GRIK4: variants seen among roughly 807,000 people sequenced by gnomAD.
The protein encoded by GRIK4 is glutamate receptor ionotropic, kainate 4.
GRIK4 carries 40 observed loss-of-function variants against 104.9 expected under a neutral mutation model. The observed-to-expected ratio is 0.38, with a 90% confidence interval of 0.30 to 0.50. The LOEUF (loss-of-function observed/expected upper bound fraction) is 0.50, where lower values mean the gene tolerates loss of function less well. GRIK4 is among the 20% of genes least tolerant of loss of function. The pLI is 0.93. For missense variants in GRIK4, 1,047 were observed against 1,308.1 expected, an observed-to-expected ratio of 0.80 and a Z score of 3.08; for synonymous variants, 485 against 524.9, an observed-to-expected ratio of 0.92 and a Z score of 1.04.
At chr11:120,585,451 C>T (rs1172973109) in intron 1 of GRIK4, among the ~76,000 whole-genome samples, 3 of 151,794 alleles carry the variant, frequency 2.0e-5, no homozygotes, top group Non-Finnish European at 4.4e-5. Flanking sequence ...CTGGTTCAAG[C>T]GATTCTGGTG....
intron 2 of GRIK4, among the ~76,000 whole-genome samples, chr11:120,654,165 G>C (rs1241833361): frequency 6.6e-6 from 1 of 152,148 alleles, no homozygotes; most frequent in Non-Finnish European, 1.5e-5. Flanking sequence ...TGTAGTCAAA[G>C]CAGGGGCCTG....
At chr11:120,871,897 T>C (rs1440920510) in intron 9 of GRIK4, 1 of 456,106 alleles carries the variant, frequency 2.2e-6, no homozygotes, top group Non-Finnish European at 4.4e-6. Context: ...TTGTTGACTG[T>C]TTTGCTCTGT....
At chr11:120,570,522 C>T (rs567732617) in intron 1 of GRIK4, among the ~76,000 whole-genome samples, 12 of 152,244 alleles carry the variant, frequency 7.9e-5, no homozygotes, top group Admixed American at 2.6e-4. Context: ...GGCATCATCG[C>T]GGTTCACTGT....
At chr11:120,534,507 G>T (rs148302388) in intron 1 of GRIK4, among the ~76,000 whole-genome samples, 1 of 152,226 alleles carries the variant, frequency 6.6e-6, no homozygotes, top group Admixed American at 6.5e-5. Flanking sequence ...GCTGAGAACC[G>T]TGCACGCTGG....
chr11:120,832,155 C>T (rs1953447828), intron 7 of GRIK4, 125 bp downstream of exon 7: 2 of 584,284 alleles, frequency 3.4e-6, no homozygotes, highest in Non-Finnish European at 5.9e-6. Flanking sequence ...ACAAACCTCT[C>T]TCTGTGCTTC....
chr11:120,558,163 T>C (rs1444972469), intron 1 of GRIK4, among the ~76,000 whole-genome samples: 8 of 152,238 alleles, frequency 5.3e-5, no homozygotes, highest in Admixed American at 5.2e-4. Context: ...GCCTCAGTTT[T>C]CTTATGTGTA....
chr11:120,625,928 T>C (rs1396151252), intron 1 of GRIK4, among the ~76,000 whole-genome samples: 2 of 152,102 alleles, frequency 1.3e-5, no homozygotes, highest in East Asian at 3.9e-4. Flanking sequence ...CTATTCAGAA[T>C]CTACTTCTGA....
At chr11:120,949,580 T>C (rs1239004609) in intron 14 of GRIK4, among the ~76,000 whole-genome samples, 1 of 152,134 alleles carries the variant, frequency 6.6e-6, no homozygotes, top group Admixed American at 6.5e-5. Flanking sequence ...TGGTGATGGG[T>C]ATAAATAAAT....
chr11:120,723,218 C>A (rs1454606729), intron 3 of GRIK4, among the ~76,000 whole-genome samples: 1 of 152,152 alleles, frequency 6.6e-6, no homozygotes, highest in Non-Finnish European at 1.5e-5. Context: ...CTCTTGGGAA[C>A]AATATTCTCT....
In GRIK4 at chr11:120,953,020, G is replaced by A; in HGVS notation, c.1700+56G>A. On this transcript the variant is annotated intron_variant, in intron 15 of 20. Coordinates refer to ENST00000527524, the MANE Select transcript of GRIK4 (RefSeq NM_014619.5). The surrounding 1 kb of genome is among the most constrained non-coding windows in gnomAD (Gnocchi z 4.9). ...ACCGCCACCTCGTGTCCACCTCTGG[G>A]AACTGCATGGGGAGGGGGTGGGGAG... 1.0e-6 allele frequency: 1 copy of A among 978,266 alleles called. No individual in the cohort carries two copies. The highest frequency in any genetic ancestry group is 1.8e-5 in the Admixed American group (1 of 56,906). 60.6% of individuals were successfully genotyped at this position (978,266 alleles called of 1,614,324 possible).
chr11:120,981,967 G>T, intron 19 of GRIK4, 139 bp from the exon 20 acceptor site: 1 of 680,428 alleles, frequency 1.5e-6, no homozygotes. Context: ...GTGTCTACAT[G>T]TCAAGTAGAT....
intron 3 of GRIK4, among the ~76,000 whole-genome samples, chr11:120,675,668 T>A (rs1950088853): frequency 6.6e-6 from 1 of 152,154 alleles, no homozygotes; most frequent in African/African-American, 2.4e-5. Flanking sequence ...AACCTGCAAT[T>A]GAATTGCAAT....
At chr11:120,932,840 C>T (rs550336183) in intron 13 of GRIK4, among the ~76,000 whole-genome samples, 1 of 152,312 alleles carries the variant, frequency 6.6e-6, no homozygotes, top group South Asian at 2.1e-4. Flanking sequence ...GGGGCAGGGG[C>T]AGCTGGCCTC....
At chr11:120,912,045 G>A (rs1943010931) in intron 13 of GRIK4, among the ~76,000 whole-genome samples, 1 of 152,044 alleles carries the variant, frequency 6.6e-6, no homozygotes, top group Non-Finnish European at 1.5e-5. Flanking sequence ...GTAAAAATGG[G>A]ATTATACTAT....
chr11:120,873,903 C>G, intron 9 of GRIK4, 163 bp from the exon 10 acceptor site: 1 of 611,486 alleles, frequency 1.6e-6, no homozygotes, highest in Non-Finnish European at 2.9e-6. Flanking sequence ...GTAGAGCTGG[C>G]CCAGAGACAG....
chr11:120,935,348 C>A (rs769749119), intron 13 of GRIK4, among the ~76,000 whole-genome samples: 1 of 151,738 alleles, frequency 6.6e-6, no homozygotes, highest in African/African-American at 2.4e-5. Flanking sequence ...GTCAGGAGTT[C>A]GAGACCAGCC....
At chr11:120,837,748 G>A (rs550469999) in intron 8 of GRIK4, among the ~76,000 whole-genome samples, 1 of 152,042 alleles carries the variant, frequency 6.6e-6, no homozygotes, top group African/African-American at 2.4e-5. Flanking sequence ...AGGGAGAAAA[G>A]GATTAGACTA....
chr11:120,924,298 G>C (rs556288641), intron 13 of GRIK4, among the ~76,000 whole-genome samples: 1 of 152,256 alleles, frequency 6.6e-6, no homozygotes, highest in Non-Finnish European at 1.5e-5. Context: ...GGTCACCGCT[G>C]TAGCAGTCGG....
rs527704985 is a variant in GRIK4, at chr11:120,513,318, G to A, written c.-159+1431G>A. Among the ~76,000 whole-genome samples, 7 of 152,146 alleles carry A rather than the reference G, an allele frequency of 4.6e-5. No individual in the cohort carries two copies. The highest frequency in any genetic ancestry group is 1.3e-4 in the Admixed American group (2 of 15,278). ...GGGAAACTGCGGGCGTGGTATCTCCGGGGAGAGAGGCCGCCTGGGTTGGTA... is the reference window on the plus strand; with the variant it reads ...GGGAAACTGCGGGCGTGGTATCTCCAGGGAGAGAGGCCGCCTGGGTTGGTA... On this transcript the variant is annotated intron_variant, in intron 1 of 20. Coordinates refer to ENST00000527524, the MANE Select transcript of GRIK4 (RefSeq NM_014619.5). The surrounding 1 kb of genome is among the most constrained non-coding windows in gnomAD (Gnocchi z 4.5).
Sources: allele counts gnomAD v4.1 joint callset (sites outside exome capture counted in the v4.1 genomes callset), GRCh38; gene constraint gnomAD v4.1.1; non-coding constraint Gnocchi (gnomAD v3.1); transcripts MANE v1.5; gene names NCBI Gene and HGNC (gene_info 2026-07-23, HGNC 2026-07-21).